The following SORBS2 variants were observed in gnomAD, a reference collection of about 807,000 sequenced individuals.
SORBS2 encodes sorbin and SH3 domain containing 2.
In SORBS2, 46 loss-of-function variants were observed where a neutral mutation model predicts 97.7. The observed-to-expected ratio is 0.47, with a 90% CI of 0.37 to 0.60. The LOEUF (loss-of-function observed/expected upper bound fraction) is 0.60. SORBS2 is among the 20% of genes least tolerant of loss of function. The pLI, the probability that SORBS2 is intolerant of heterozygous loss-of-function variation, is 0.00. For missense variants in SORBS2, 1,316 were observed against 1,282.3 expected, an observed-to-expected ratio of 1.03 and a Z score of -0.40; for synonymous variants, 476 against 473.4, an observed-to-expected ratio of 1.01 and a Z score of -0.07.
At chr4:185,942,695 T>C (rs919619074) in intron 1 of SORBS2, among the ~76,000 whole-genome samples, 3 of 152,158 alleles carry the variant, frequency 2.0e-5, no homozygotes, top group African/African-American at 7.2e-5. Flanking sequence ...GTCTCCATGC[T>C]CTTATTAGAA....
chr4:185,708,320 A>T (rs1162688883), intron 2 of SORBS2, among the ~76,000 whole-genome samples: 1 of 152,238 alleles, frequency 6.6e-6, no homozygotes, highest in Non-Finnish European at 1.5e-5. Flanking sequence ...TGGTCAAGAA[A>T]CTATATTGTC....
chr4:185,657,495 C>T, upstream of SORBS2: 1 of 1,569,262 alleles, frequency 6.4e-7, no homozygotes, highest in South Asian at 1.2e-5. Flanking sequence ...GCTTTGATGA[C>T]TGTCACTCTC....
chr4:185,851,347 T>G (rs191557802), intron 1 of SORBS2, among the ~76,000 whole-genome samples: 2 of 152,160 alleles, frequency 1.3e-5, no homozygotes, highest in Admixed American at 1.3e-4. Flanking sequence ...AGGTATTTTT[T>G]AAAGTGGTTC....
intron 1 of SORBS2, among the ~76,000 whole-genome samples, chr4:185,886,778 G>A (rs1364872722): frequency 6.6e-6 from 1 of 152,118 alleles, no homozygotes; most frequent in Admixed American, 6.5e-5. Context: ...GATGACAGAA[G>A]AGGTCTGATC....
chr4:185,921,065 A>G (rs545081585), intron 1 of SORBS2, among the ~76,000 whole-genome samples: 33 of 152,308 alleles, frequency 2.2e-4, no homozygotes, highest in African/African-American at 7.7e-4. Flanking sequence ...TTCCTTGTCA[A>G]TTACGAGGCT....
intron 1 of SORBS2, among the ~76,000 whole-genome samples, chr4:185,787,742 C>T (rs570370993): frequency 1.4e-4 from 22 of 152,186 alleles, no homozygotes; most frequent in African/African-American, 5.1e-4. Context: ...AGATTGTGGG[C>T]GGGCAGGTTT....
chr4:185,954,609 A>G (rs2099278729), intron 1 of SORBS2, among the ~76,000 whole-genome samples: 1 of 152,336 alleles, frequency 6.6e-6, no homozygotes, highest in East Asian at 1.9e-4. Context: ...TGAATGAATA[A>G]ACGAAGCGTC....
At chr4:185,926,107 C>G (rs1363602363) in intron 1 of SORBS2, among the ~76,000 whole-genome samples, 1 of 152,228 alleles carries the variant, frequency 6.6e-6, no homozygotes, top group African/African-American at 2.4e-5. Context: ...GCAAGGACTG[C>G]GCTATAACCG....
At position 185,623,401 on chromosome 4, in the gene SORBS2, T is replaced by A. The variant is rs368984103; in HGVS notation, c.1728A>T (p.Leu576Phe). 80 of 1,612,060 alleles carry A rather than the reference T, an allele frequency of 5.0e-5. No homozygotes were observed. The highest frequency in any genetic ancestry group is 6.4e-5 in the Non-Finnish European group (75 of 1,180,032). Residue 576 changes from leucine (L) to phenylalanine (F), a missense_variant, in exon 7 of 15, where the codon TTA becomes TTT. Transcript: ENST00000418609. This position sits in a 1 kb window ranked among gnomAD's most constrained non-coding sequence, Gnocchi z 6.4. ...TTTCGTGTCTGGCTCTTTCGTGTTT[T>A]AACATTGTGGTAAATCGAGTGTAGG...
chr4:185,732,612 ATGAGTGTTGGGTTTGGGAACCAAAGGC>A (rs1447216934), intron 2 of SORBS2, among the ~76,000 whole-genome samples: 2 of 152,232 alleles, frequency 1.3e-5, no homozygotes, highest in East Asian at 3.9e-4. Context: ...GTGGGAAGGG[ATGAGTGTTGGGTTTGGGAACCAAAGGC>A]TGTGTGTTGA....
At position 185,793,645 on chromosome 4, in the gene SORBS2, C is replaced by A. The variant is rs796719532; in HGVS notation, c.-337-18279G>T. Among the ~76,000 whole-genome samples the A allele has an allele frequency of 2.0e-5, 3 of 151,948 alleles. No individual in the cohort carries two copies. In the South Asian group the frequency reaches 6.2e-4, roughly 32 times the overall value. On this transcript the variant is annotated intron_variant, in intron 1 of 20. Coordinates refer to the SORBS2 transcript ENST00000284776. ...CCAGTTGAGCCTTGTTTGGTCAATA[C>A]CTCTGGGAGATCTTGACAAAACAAA...
intron 2 of SORBS2, among the ~76,000 whole-genome samples, chr4:185,701,184 C>G (rs2098256662): frequency 6.6e-6 from 1 of 152,208 alleles, no homozygotes; most frequent in African/African-American, 2.4e-5. Flanking sequence ...TCTCAACACT[C>G]TTTCTTTTAT....
chr4:185,790,331 A>G (rs965045653), intron 1 of SORBS2, among the ~76,000 whole-genome samples: 4 of 152,236 alleles, frequency 2.6e-5, no homozygotes, highest in Non-Finnish European at 5.9e-5. Context: ...CGATCAGTCT[A>G]TTAACCCATA....
At chr4:185,941,558 G>C (rs533162567) in intron 1 of SORBS2, among the ~76,000 whole-genome samples, 21 of 152,220 alleles carry the variant, frequency 1.4e-4, no homozygotes, top group Admixed American at 1.4e-3. Context: ...CTCACACAAA[G>C]CTGACTTCCC....
intron 2 of SORBS2, chr4:185,709,906 GAA>G (rs1464355291): frequency 1.3e-5 from 2 of 149,942 alleles, no homozygotes; most frequent in African/African-American, 4.9e-5. Context: ...TGAGAAGGAA[GAA>G]AGAGTGGAAC....
chr4:185,935,073 C>T (rs2099268321), intron 1 of SORBS2, among the ~76,000 whole-genome samples: 1 of 152,070 alleles, frequency 6.6e-6, no homozygotes, highest in Admixed American at 6.6e-5. Context: ...CAAAATCAGC[C>T]AACAATCAAG....
chr4:185,880,635 A>T (rs1378399692), intron 1 of SORBS2, among the ~76,000 whole-genome samples: 1 of 152,220 alleles, frequency 6.6e-6, no homozygotes, highest in Non-Finnish European at 1.5e-5. Context: ...TTCATCAATA[A>T]CTAGGATACT....
At chr4:185,940,795 G>A (rs543637697) in intron 1 of SORBS2, among the ~76,000 whole-genome samples, 2 of 152,278 alleles carry the variant, frequency 1.3e-5, no homozygotes, top group East Asian at 1.9e-4. Flanking sequence ...CATCATTCAG[G>A]AGTCTGTTCC....
intron 14 of SORBS2, among the ~76,000 whole-genome samples, chr4:185,588,800 A>G (rs892035312): frequency 2.6e-5 from 4 of 152,076 alleles, no homozygotes; most frequent in African/African-American, 7.2e-5. Flanking sequence ...CTTTTGGTAG[A>G]TACGGGGTTT....
Sources: gnomAD v4.1 joint callset for allele counts (sites outside exome capture counted in the v4.1 genomes callset) on GRCh38, gnomAD v4.1.1 for gene constraint, Gnocchi (gnomAD v3.1) non-coding constraint, MANE v1.5 for transcripts, NCBI Gene and HGNC (gene_info 2026-07-23, HGNC 2026-07-21) for gene names.